GALNT14: variants seen among roughly 807,000 people sequenced by gnomAD.
The protein encoded by GALNT14 is polypeptide N-acetylgalactosaminyltransferase 14.
GALNT14 carries 60 observed loss-of-function variants against 77.5 expected under a neutral mutation model. The ratio of observed to expected loss-of-function variants is 0.77; its 90% CI spans 0.63 to 0.96. The LOEUF is 0.96. GALNT14 is among the 40% of genes least tolerant of loss of function. The probability of loss-of-function intolerance (pLI) is 0.00; values close to 1 mark genes in which losing one functional copy is unlikely to be tolerated. For synonymous variants in GALNT14, 280 were observed against 281.7 expected, an observed-to-expected ratio of 0.99 and a Z score of 0.06; for missense variants, 710 against 731.0, an observed-to-expected ratio of 0.97 and a Z score of 0.33.
intron 1 of GALNT14, among the ~76,000 whole-genome samples, chr2:31,082,687 T>G (rs1676215114): frequency 6.6e-6 from 1 of 152,174 alleles, no homozygotes; most frequent in African/African-American, 2.4e-5. Flanking sequence ...TGTTAGTTAC[T>G]GATGATAATG....
intron 6 of GALNT14, among the ~76,000 whole-genome samples, chr2:30,947,988 T>C (rs1459102360): frequency 6.6e-6 from 1 of 152,196 alleles, no homozygotes; most frequent in Non-Finnish European, 1.5e-5. Context: ...GCTGCCACAG[T>C]TCCTCTGGGG....
At chr2:30,938,328 C>G (rs1215421478) in intron 9 of GALNT14, among the ~76,000 whole-genome samples, 1 of 150,896 alleles carries the variant, frequency 6.6e-6, no homozygotes, top group Non-Finnish European at 1.5e-5. Context: ...CACACACACA[C>G]AGACTTTATA....
At chr2:30,928,148 C>A (rs1665501715) in intron 11 of GALNT14, among the ~76,000 whole-genome samples, 1 of 152,070 alleles carries the variant, frequency 6.6e-6, no homozygotes, top group Non-Finnish European at 1.5e-5. Context: ...AGTGAGAGAA[C>A]CTGAGGGGCA....
intron 1 of GALNT14, among the ~76,000 whole-genome samples, chr2:31,048,526 A>T (rs1314306381): frequency 2.0e-5 from 3 of 152,094 alleles, no homozygotes; most frequent in Non-Finnish European, 4.4e-5. Flanking sequence ...TGCTGAATGG[A>T]TAGATTCTTG....
At chr2:30,913,895 A>T (rs1328375446) in intron 13 of GALNT14, among the ~76,000 whole-genome samples, 9 of 152,170 alleles carry the variant, frequency 5.9e-5, no homozygotes, top group African/African-American at 2.2e-4. Flanking sequence ...AGATATTTGA[A>T]ATTTTCTATA....
chr2:31,080,244 G>A (rs952307965), intron 1 of GALNT14, among the ~76,000 whole-genome samples: 4 of 152,172 alleles, frequency 2.6e-5, no homozygotes, highest in Non-Finnish European at 4.4e-5. Context: ...ACATTACCCT[G>A]AATAATGGGG....
At chr2:31,103,937 C>T (rs191174097) in intron 1 of GALNT14, among the ~76,000 whole-genome samples, 109 of 152,294 alleles carry the variant, frequency 7.2e-4, no homozygotes, top group Non-Finnish European at 1.4e-3. Flanking sequence ...GAACAATATT[C>T]CCTGAGTTAT....
chr2:31,020,542 A>T (rs934025390), intron 1 of GALNT14, among the ~76,000 whole-genome samples: 21 of 152,160 alleles, frequency 1.4e-4, no homozygotes, highest in African/African-American at 5.1e-4. Flanking sequence ...GGATGGGCTT[A>T]TCTATACACC....
chr2:30,897,284 C>G, the GALNT14 span, among the ~76,000 whole-genome samples: 1 of 152,138 alleles, frequency 6.6e-6, no homozygotes, highest in Non-Finnish European at 1.5e-5. Context: ...GGTAAAGGAT[C>G]CAAAGCTCCA....
At chr2:30,907,653 C>T (rs1409385048), downstream of GALNT14, among the ~76,000 whole-genome samples, 1 of 151,542 alleles carries the variant, frequency 6.6e-6, no homozygotes, top group Non-Finnish European at 1.5e-5. Flanking sequence ...TGGTACCATT[C>T]CTTCTGAAAC....
In GALNT14 at chr2:31,114,175, C is replaced by A. The variant is rs1235643962; in HGVS notation, c.129+23783G>T. ...AATAAACCTGTCTTAACTGACGAGC[C>A]ACCTTTCGTGTTTCTTTCCTCTTTC... On this transcript the variant is annotated intron_variant, in intron 1 of 14. Transcript: ENST00000349752. 2.0e-5 allele frequency among the ~76,000 whole-genome samples: 3 copies of A among 152,114 alleles called. No homozygotes were observed. The East Asian group carries it at 5.8e-4, about 29-fold the overall frequency.
At position 31,016,209 on chromosome 2, in the gene GALNT14, G is replaced by T. The variant is rs997127973; in HGVS notation, c.130-23202C>A. Among the ~76,000 whole-genome samples the T allele has an allele frequency of 3.9e-5, 6 of 152,288 alleles. 1 individual carries two copies. The highest frequency in any genetic ancestry group is 3.4e-3 in the Middle Eastern group (1 of 294). On this transcript the variant is annotated intron_variant, in intron 1 of 14. Coordinates refer to ENST00000349752, the MANE Select transcript of GALNT14 (RefSeq NM_024572.4). ...GGCCTCTCCACTTGGCCCGCAGATG[G>T]CCGTCTTCTGGCTGAGTCCTCATGT...
chr2:30,934,138 T>C (rs1480483730), intron 9 of GALNT14, among the ~76,000 whole-genome samples: 1 of 152,212 alleles, frequency 6.6e-6, no homozygotes, highest in Non-Finnish European at 1.5e-5. Context: ...AGTTGGCATT[T>C]GGCTGGGGCA....
At chr2:30,912,418 G>T in intron 13 of GALNT14, 76 bp from the exon 14 acceptor site, 2 of 1,536,746 alleles carry the variant, frequency 1.3e-6, no homozygotes, top group South Asian at 2.4e-5. Flanking sequence ...CACACTTACG[G>T]GTGTGATTAG....
At chr2:31,097,728 A>T (rs1252822351) in intron 1 of GALNT14, among the ~76,000 whole-genome samples, 1 of 152,048 alleles carries the variant, frequency 6.6e-6, no homozygotes, top group African/African-American at 2.4e-5. Context: ...TGGATTCCTA[A>T]CACAGGTGGC....
At chr2:31,017,084 C>A (rs572581246) in intron 1 of GALNT14, among the ~76,000 whole-genome samples, 1 of 152,216 alleles carries the variant, frequency 6.6e-6, no homozygotes, top group Non-Finnish European at 1.5e-5. Flanking sequence ...CTAATTTGGA[C>A]CCCAGTCTGT....
Position 31,075,271 on chromosome 2 carries a change from A to G in GALNT14, c.129+62687T>C, listed in dbSNP as rs943689090. Among the ~76,000 whole-genome samples, 5 of 152,328 alleles carry G rather than the reference A, an allele frequency of 3.3e-5. No homozygotes were observed. In the South Asian group the frequency reaches 8.3e-4, roughly 25 times the overall value. On this transcript the variant is annotated intron_variant, in intron 1 of 14. Transcript: ENST00000349752. ...TAGATGCCAGCACCACATTTCCTGT[A>G]TACCCTGCAGAACCTTGAGCCAATT... is the stretch of plus-strand genomic sequence containing the variant.
chr2:30,970,858 C>T (rs562593991), intron 2 of GALNT14, among the ~76,000 whole-genome samples: 22 of 152,276 alleles, frequency 1.4e-4, no homozygotes, highest in African/African-American at 5.1e-4. Context: ...GGACTCACCC[C>T]TTGTCTCAGG....
chr2:31,012,257 G>A (rs1245536342), intron 1 of GALNT14, among the ~76,000 whole-genome samples: 2 of 152,126 alleles, frequency 1.3e-5, no homozygotes, highest in East Asian at 1.9e-4. Flanking sequence ...CTGGACTTTT[G>A]GTCTGGCTTA....
Sources: allele counts gnomAD v4.1 joint callset (sites outside exome capture counted in the v4.1 genomes callset), GRCh38; gene constraint gnomAD v4.1.1; transcripts MANE v1.5; gene names NCBI Gene and HGNC (gene_info 2026-07-23, HGNC 2026-07-21).